Variants in OSBPL9 observed in about 807,000 individuals in gnomAD.
OSBPL9 encodes the protein oxysterol binding protein like 9, also known as oxysterol-binding protein-related protein 9.
OSBPL9 carries 40 observed loss-of-function variants against 106.6 expected under a neutral mutation model. The ratio of observed to expected loss-of-function variants is 0.38; its 90% CI spans 0.29 to 0.49. OSBPL9 has a LOEUF of 0.49. Ranked by LOEUF, OSBPL9 falls within the 20% of genes least tolerant of loss-of-function variation. OSBPL9 has a pLI of 0.97. For synonymous variants in OSBPL9, 269 were observed against 295.4 expected (o/e 0.91, Z 0.92); for missense variants, 609 against 887.2 (o/e 0.69, Z 3.98).
chr1:51,777,139 C>A (rs1346528071), intron 15 of OSBPL9, among the ~76,000 whole-genome samples: 1 of 152,146 alleles, frequency 6.6e-6, no homozygotes, highest in Non-Finnish European at 1.5e-5. Flanking sequence ...TTCTCAAGAG[C>A]CCGTTAATAG....
chr1:51,532,196 A>G, the OSBPL9 span, among the ~76,000 whole-genome samples: 1 of 152,258 alleles, frequency 6.6e-6, no homozygotes, highest in Non-Finnish European at 1.5e-5. Context: ...ATAATTCTCT[A>G]GAAATGTCTA....
intron 9 of OSBPL9, 59 bp downstream of exon 9, chr1:51,756,417 A>G (rs1571574172): frequency 6.6e-7 from 1 of 1,516,080 alleles, no homozygotes; most frequent in African/African-American, 1.4e-5. Context: ...ATAACCAGTC[A>G]TATCAGGAGA....
At chr1:51,568,454 A>G in the OSBPL9 span, among the ~76,000 whole-genome samples, 1 of 152,220 alleles carries the variant, frequency 6.6e-6, no homozygotes, top group South Asian at 2.1e-4. Flanking sequence ...ATGCTTTGTA[A>G]AAACTCTAGA....
At chr1:51,680,070 A>G (rs537827655) in intron 3 of OSBPL9, among the ~76,000 whole-genome samples, 1 of 152,074 alleles carries the variant, frequency 6.6e-6, no homozygotes, top group South Asian at 2.1e-4. Flanking sequence ...CCTGGCCAAC[A>G]TGGCGAAACC....
intron 3 of OSBPL9, among the ~76,000 whole-genome samples, chr1:51,711,466 A>ACCGC (rs1553169898): frequency 5.4e-3 from 16 of 2,936 alleles, no homozygotes; most frequent in African/African-American, 0.021. Context: ...CGGGGGGCTG[A>ACCGC]CCCCCCCACC....
chr1:51,725,866 G>T (rs938931243), intron 4 of OSBPL9, among the ~76,000 whole-genome samples: 2 of 151,968 alleles, frequency 1.3e-5, no homozygotes, highest in African/African-American at 4.8e-5. Context: ...TTTCAGACTT[G>T]TCTGCACTGA....
At chr1:51,765,454 A>G (rs1168917037) in intron 11 of OSBPL9, 1 of 156,648 alleles carries the variant, frequency 6.4e-6, no homozygotes, top group Non-Finnish European at 1.4e-5. Flanking sequence ...ATTTTTAGGT[A>G]TCTGGATCTG....
the OSBPL9 span, among the ~76,000 whole-genome samples, chr1:51,572,097 G>A: frequency 1.7e-4 from 26 of 152,066 alleles, 1 homozygote; most frequent in Middle Eastern, 3.2e-3. Flanking sequence ...TAATACTCTG[G>A]GAACAGTTTT....
At chr1:51,556,677 T>C in the OSBPL9 span, among the ~76,000 whole-genome samples, 3 of 151,858 alleles carry the variant, frequency 2.0e-5, no homozygotes, top group South Asian at 2.1e-4. Context: ...TCCCAGCTAC[T>C]TGGGAGGCTG....
chr1:51,520,930 T>A, the OSBPL9 span, among the ~76,000 whole-genome samples: 1 of 152,256 alleles, frequency 6.6e-6, no homozygotes. Context: ...GAATAAGAGA[T>A]ACTGTTTTAC....
chr1:51,787,963 T>C lies in OSBPL9; in HGVS notation c.*174T>C. ...GAACAATTAAGGGGAAAAGCTTCCC[T>C]TTTCCCTCTGTGGCAGTTACGATTT... is the stretch of plus-strand genomic sequence containing the variant. On this transcript the variant is annotated 3_prime_UTR_variant, in exon 24 of 24. Coordinates refer to ENST00000428468, the MANE Select transcript of OSBPL9 (RefSeq NM_024586.6). The C allele has an allele frequency of 1.7e-6, 1 of 597,280 alleles. No homozygotes were observed. The highest frequency in any genetic ancestry group is 2.9e-6 in the Non-Finnish European group (1 of 346,514). The allele number at this position is 597,280 out of a possible 1,614,324, so 37.0% of individuals were successfully genotyped here.
chr1:51,787,992 C>T lies in OSBPL9; in HGVS notation c.*203C>T, dbSNP rs1678112918. ...CCCTCTGTGGCAGTTACGATTTTGACTTCAGTCCTGAGAAAAACTTCAGGT... is the reference window on the plus strand; with the variant it reads ...CCCTCTGTGGCAGTTACGATTTTGATTTCAGTCCTGAGAAAAACTTCAGGT... On this transcript the variant is annotated 3_prime_UTR_variant, in exon 24 of 24. Coordinates refer to ENST00000428468, the MANE Select transcript of OSBPL9 (RefSeq NM_024586.6). 1.9e-6 allele frequency: 1 copy of T among 539,476 alleles called. No individual in the cohort carries two copies. Among genetic ancestry groups the T allele is most frequent in the Non-Finnish European group, 3.3e-6 (1 of 306,320 alleles). 33.4% of individuals were successfully genotyped at this position (539,476 alleles called of 1,614,324 possible).
At chr1:51,540,932 C>T in the OSBPL9 span, among the ~76,000 whole-genome samples, 1 of 149,038 alleles carries the variant, frequency 6.7e-6, no homozygotes, top group African/African-American at 2.5e-5. Context: ...GCACTCCAGC[C>T]TAGGCAACAG....
intron 12 of OSBPL9, among the ~76,000 whole-genome samples, chr1:51,769,962 A>C (rs1415327812): frequency 6.6e-6 from 1 of 152,170 alleles, no homozygotes; most frequent in African/African-American, 2.4e-5. Context: ...AAAGCATTTT[A>C]AAGGTAACTT....
the OSBPL9 span, among the ~76,000 whole-genome samples, chr1:51,571,882 C>G: frequency 6.6e-6 from 1 of 152,050 alleles, no homozygotes; most frequent in Non-Finnish European, 1.5e-5. Flanking sequence ...CTTTTGTAAC[C>G]CAGGACTCTT....
chr1:51,737,305 T>C (rs1665910943), intron 4 of OSBPL9, among the ~76,000 whole-genome samples: 1 of 152,098 alleles, frequency 6.6e-6, no homozygotes, highest in Non-Finnish European at 1.5e-5. Flanking sequence ...CCTTGCATGC[T>C]AAAATGGTTA....
intron 3 of OSBPL9, among the ~76,000 whole-genome samples, chr1:51,672,442 T>C (rs1350798383): frequency 1.3e-5 from 2 of 152,182 alleles, no homozygotes; most frequent in African/African-American, 2.4e-5. Context: ...AATCAAGATA[T>C]AGATTCCATC....
In OSBPL9 at chr1:51,617,106, CCAAGATGGCGTCCATCATGGA is replaced by C; in HGVS notation, c.-4_17del. 1 of 1,608,122 alleles carries C rather than the reference CCAAGATGGCGTCCATCATGGA, an allele frequency of 6.2e-7. No individual in the cohort carries two copies. The highest frequency in any genetic ancestry group is 8.5e-7 in the Non-Finnish European group (1 of 1,177,622). The stretch of plus-strand genomic sequence containing the variant: ...GGCCGTTTGTTGTCATTGGCGGCTC[CCAAGATGGCGTCCATCATGGA>C]AGGGCCGCTGAGCAAATGGACTAAC... On this transcript the variant is annotated start_lost and 5_prime_UTR_variant, in exon 1 of 24. Coordinates refer to ENST00000428468, the MANE Select transcript of OSBPL9 (RefSeq NM_024586.6).
At chr1:51,741,467 C>T (rs1666889873) in intron 4 of OSBPL9, among the ~76,000 whole-genome samples, 1 of 148,432 alleles carries the variant, frequency 6.7e-6, no homozygotes, top group Non-Finnish European at 1.5e-5. Flanking sequence ...TTCCTTCCTT[C>T]CTCCTTTCCT....
Sources: gnomAD v4.1 joint callset for allele counts (sites outside exome capture counted in the v4.1 genomes callset) on GRCh38, gnomAD v4.1.1 for gene constraint, MANE v1.5 for transcripts, NCBI Gene and HGNC (gene_info 2026-07-23, HGNC 2026-07-21) for gene names.